Variants in PSME3IP1 observed in about 807,000 individuals in gnomAD.
PSME3IP1 encodes the protein proteasome activator subunit 3 interacting protein 1.
In PSME3IP1, 13 loss-of-function variants were observed where a neutral mutation model predicts 34.1. The ratio of observed to expected loss-of-function variants is 0.38; its 90% CI spans 0.25 to 0.61. The LOEUF is 0.61. PSME3IP1 is among the 20% of genes least tolerant of loss of function. The probability of loss-of-function intolerance (pLI) is 0.60; values close to 1 mark genes in which losing one functional copy is unlikely to be tolerated. For synonymous variants in PSME3IP1, 93 were observed against 114.3 expected, an observed-to-expected ratio of 0.81 and a Z score of 1.19; for missense variants, 237 against 301.4, an observed-to-expected ratio of 0.79 and a Z score of 1.58.
At chr16:57,174,307 ACT>A in intron 1 of PSME3IP1, 2 of 436,284 alleles carry the variant, frequency 4.6e-6, no homozygotes, top group Non-Finnish European at 6.1e-6. Context: ...AAAAAAAAAA[ACT>A]CTCAAATAGT....
At chr16:57,161,888 G>A (rs1369749862) in intron 6 of PSME3IP1, among the ~76,000 whole-genome samples, 3 of 152,010 alleles carry the variant, frequency 2.0e-5, no homozygotes, top group African/African-American at 7.2e-5. Flanking sequence ...GATAATATTT[G>A]GTAATTACTG....
At position 57,153,319 on chromosome 16, in the gene PSME3IP1, T is replaced by C. The variant is rs2070140499; in HGVS notation, c.*971A>G. On this transcript the variant is annotated 3_prime_UTR_variant, in exon 7 of 7. Transcript: ENST00000309137. ...AAAGTACTAGGGCAGCACCTTTAGG[T>C]TAGAAATAGATTCCACAGTTAAAAG... The C allele has an allele frequency of 6.6e-6, 1 of 152,212 alleles. No individual in the cohort carries two copies. Among genetic ancestry groups the C allele is most frequent in the African/African-American group, 2.4e-5 (1 of 41,448 alleles). 9.4% of individuals were successfully genotyped at this position (152,212 alleles called of 1,614,324 possible).
Position 57,162,427 on chromosome 16 carries a change from G to A in PSME3IP1, c.547+1574C>T, listed in dbSNP as rs558690795. Among the ~76,000 whole-genome samples, 14 of 152,216 alleles carry A rather than the reference G, an allele frequency of 9.2e-5. No homozygotes were observed. The East Asian group carries it at 2.7e-3, about 29-fold the overall frequency. On this transcript the variant is annotated intron_variant, in intron 6 of 6. Coordinates refer to ENST00000309137, the MANE Select transcript of PSME3IP1 (RefSeq NM_024946.4). ...CACCTGTAATCCCAGCACTTTGGGA[G>A]GCCGAGGCAGGTGGATCACTTGAGG...
At chr16:57,164,292 G>GT (rs1351990475) in intron 5 of PSME3IP1, among the ~76,000 whole-genome samples, 3 of 152,204 alleles carry the variant, frequency 2.0e-5, no homozygotes, top group African/African-American at 7.2e-5. Flanking sequence ...ATAAAGCACT[G>GT]TATCAACCAT....
At position 57,173,465 on chromosome 16, in the gene PSME3IP1, C is replaced by T. The variant is rs61278944; in HGVS notation, c.127+263G>A. On this transcript the variant is annotated intron_variant, in intron 2 of 6. Transcript: ENST00000309137. ...GCCAACAGATGAAACTCCATCTCTA[C>T]CAAAAATACAAAAATTAGCCAGGCG... 3.8e-3 allele frequency among the ~76,000 whole-genome samples: 572 copies of T among 152,134 alleles called. 4 individuals carry two copies. Among genetic ancestry groups the T allele is most frequent in the African/African-American group, 0.012 (485 of 41,494 alleles).
intron 1 of PSME3IP1, among the ~76,000 whole-genome samples, chr16:57,177,610 A>G (rs1466197589): frequency 6.6e-6 from 1 of 152,238 alleles, no homozygotes; most frequent in African/African-American, 2.4e-5. Context: ...GGAAAGAAAA[A>G]TACAAGAAAT....
intron 1 of PSME3IP1, among the ~76,000 whole-genome samples, chr16:57,185,185 G>A (rs902250288): frequency 1.3e-5 from 2 of 152,156 alleles, no homozygotes; most frequent in Non-Finnish European, 2.9e-5. Flanking sequence ...AAGGGCCCCA[G>A]GAGATCTTGT....
chr16:57,156,824 T>C (rs1364793233), intron 6 of PSME3IP1, among the ~76,000 whole-genome samples: 3 of 152,104 alleles, frequency 2.0e-5, no homozygotes, highest in Non-Finnish European at 4.4e-5. Flanking sequence ...GGAGGGAACA[T>C]GTTAGGAACA....
In PSME3IP1 at chr16:57,172,293, C is replaced by A. The variant is rs180702754; in HGVS notation, c.306G>T (p.Lys102Asn). The stretch of plus-strand genomic sequence containing the variant: ...CTTTCAGTTCTTCTTCTCTTCGTTG[C>A]TTTTCTATTAGTTCCTGCTGTCGAG... ...EVSRQQELIE[K>N]QRREEELKEL... The change falls in exon 4 of 7, where the codon AAG becomes AAT. Residue 102 changes from lysine to asparagine, a missense_variant. Lys to Asn is a moderately conservative substitution (Grantham distance 94). Coordinates refer to ENST00000309137, the MANE Select transcript of PSME3IP1 (RefSeq NM_024946.4). The A allele has an allele frequency of 1.2e-6, 2 of 1,613,902 alleles. No individual in the cohort carries two copies. The highest frequency in any genetic ancestry group is 1.7e-5 in the Admixed American group (1 of 60,006).
At chr16:57,160,288 C>T (rs113372586) in intron 6 of PSME3IP1, among the ~76,000 whole-genome samples, 5,519 of 146,974 alleles carry the variant, frequency 0.038, 107 homozygotes, top group Middle Eastern at 0.11. Context: ...CAGAGCGAGA[C>T]TCCGTCTCAA....
chr16:57,180,794 C>A (rs1236437734), intron 1 of PSME3IP1, among the ~76,000 whole-genome samples: 3 of 152,052 alleles, frequency 2.0e-5, no homozygotes, highest in African/African-American at 7.2e-5. Context: ...GTGGCTCATG[C>A]CTGCAGTCCC....
At chr16:57,176,734 T>C (rs1267071354) in intron 1 of PSME3IP1, among the ~76,000 whole-genome samples, 1 of 152,180 alleles carries the variant, frequency 6.6e-6, no homozygotes, top group Admixed American at 6.5e-5. Flanking sequence ...AGAAAAATAA[T>C]CATGTCTGAA....
At position 57,174,409 on chromosome 16, in the gene PSME3IP1, T is replaced by C. The variant is rs1420211493; in HGVS notation, c.-15-540A>G. 9 of 981,442 alleles carry C rather than the reference T, an allele frequency of 9.2e-6. No homozygotes were observed. The East Asian group carries it at 1.0e-3, about 111-fold the overall frequency. The allele number at this position is 981,442 out of a possible 1,614,324, so 60.8% of individuals were successfully genotyped here. A position where few individuals can be genotyped will look rare whatever the true frequency, so the allele number is the denominator to read the frequency against. ...ATTAACATCGATGTTATCTACACAG[T>C]TGGCAAGAGGACCTGGGATAATTCT... On this transcript the variant is annotated intron_variant, in intron 1 of 6. Transcript: ENST00000309137.
intron 1 of PSME3IP1, among the ~76,000 whole-genome samples, chr16:57,183,897 A>C (rs1367835358): frequency 1.3e-5 from 2 of 152,228 alleles, no homozygotes; most frequent in Non-Finnish European, 2.9e-5. Context: ...CTTCAAAGTA[A>C]AGGTGAACTG....
chr16:57,176,312 G>C (rs2073167767), intron 1 of PSME3IP1, among the ~76,000 whole-genome samples: 1 of 152,068 alleles, frequency 6.6e-6, no homozygotes, highest in South Asian at 2.1e-4. Context: ...TTAATCATCT[G>C]GTTTCTTTCC....
At chr16:57,176,759 C>T (rs1282743305) in intron 1 of PSME3IP1, among the ~76,000 whole-genome samples, 2 of 152,110 alleles carry the variant, frequency 1.3e-5, no homozygotes, top group Non-Finnish European at 2.9e-5. Flanking sequence ...ATGAATTTAT[C>T]AGATTAGATA....
At chr16:57,163,826 A>T (rs1416250989) in intron 6 of PSME3IP1, among the ~76,000 whole-genome samples, 175 bp downstream of exon 6, 9 of 152,234 alleles carry the variant, frequency 5.9e-5, no homozygotes, top group Non-Finnish European at 1.0e-4. Flanking sequence ...TGCCTGGTAT[A>T]AACTCTGGCC....
At position 57,178,460 on chromosome 16, in the gene PSME3IP1, T is replaced by A. The variant is rs1398677396; in HGVS notation, c.-15-4591A>T. ...TTTGTCTCCACAGTGCTTATTATTA[T>A]TAGCACAGTGTCTGGCATATATTAG... On this transcript the variant is annotated intron_variant, in intron 1 of 6. Coordinates refer to ENST00000309137, the MANE Select transcript of PSME3IP1 (RefSeq NM_024946.4). 5.4e-6 allele frequency: 4 copies of A among 737,434 alleles called. No individual in the cohort carries two copies. In the East Asian group the frequency reaches 3.9e-4, roughly 72 times the overall value. 45.7% of individuals were successfully genotyped at this position (737,434 alleles called of 1,614,324 possible). A position where few individuals can be genotyped will look rare whatever the true frequency, so the allele number is the denominator to read the frequency against.
chr16:57,171,866 C>A (rs1342443733), intron 4 of PSME3IP1, among the ~76,000 whole-genome samples: 1 of 152,216 alleles, frequency 6.6e-6, no homozygotes, highest in Non-Finnish European at 1.5e-5. Flanking sequence ...CAGGACAGGG[C>A]ATGCTATACC....
Sources: gnomAD v4.1 joint callset for allele counts (sites outside exome capture counted in the v4.1 genomes callset) on GRCh38, gnomAD v4.1.1 for gene constraint, MANE v1.5 for transcripts, NCBI Gene and HGNC (gene_info 2026-07-23, HGNC 2026-07-21) for gene names.